Variants in SLC28A1 observed in about 807,000 individuals in gnomAD.
The protein encoded by SLC28A1 is solute carrier family 28 member 1.
A neutral mutation model predicts 74.8 loss-of-function variants in SLC28A1; 64 were observed. The ratio of observed to expected loss-of-function variants is 0.86; its 90% CI spans 0.70 to 1.05. The LOEUF (loss-of-function observed/expected upper bound fraction) is 1.05. Among genes scored for constraint, SLC28A1 ranks in the 50% least tolerant of loss-of-function variants. The pLI, the probability that SLC28A1 is intolerant of heterozygous loss-of-function variation, is 0.00. For synonymous variants in SLC28A1, 359 were observed against 335.0 expected, an observed-to-expected ratio of 1.07 and a Z score of -0.78; for missense variants, 828 against 822.8, an observed-to-expected ratio of 1.01 and a Z score of -0.08.
chr15:84,913,853 A>AATTC (rs35074682), intron 9 of SLC28A1, among the ~76,000 whole-genome samples: 66,735 of 151,758 alleles, frequency 0.44, 15,055 homozygotes, highest in Middle Eastern at 0.6. Context: ...TGCAAGGTTG[A>AATTC]ATTCTGTTGA....
At position 84,944,990 on chromosome 15, in the gene SLC28A1, G is replaced by A. The variant is rs573391511; in HGVS notation, c.1874+123G>A. On this transcript the variant is annotated intron_variant, in intron 18 of 18. Transcript: ENST00000394573. Reference sequence around the variant, plus strand: ...AAATGTTACGGCTGCAGCTAATGGGGAGGTGAAGGCTCGAGGACCAATGGA... The same window carrying A: ...AAATGTTACGGCTGCAGCTAATGGGAAGGTGAAGGCTCGAGGACCAATGGA... 1.9e-4 allele frequency: 200 copies of A among 1,061,464 alleles called. No homozygotes were observed. In the African/African-American group the frequency reaches 2.8e-3, roughly 15 times the overall value. 65.8% of individuals were successfully genotyped at this position (1,061,464 alleles called of 1,614,324 possible).
intron 5 of SLC28A1, among the ~76,000 whole-genome samples, chr15:84,893,102 A>G (rs1404063927): frequency 7.1e-6 from 1 of 140,050 alleles, no homozygotes; most frequent in African/African-American, 2.7e-5. Flanking sequence ...CCCCGACCAC[A>G]AAGCACAGGC....
chr15:84,896,201 C>T (rs544950078), intron 6 of SLC28A1, among the ~76,000 whole-genome samples: 12 of 152,102 alleles, frequency 7.9e-5, no homozygotes, highest in Non-Finnish European at 1.5e-4. Context: ...AGACAACTCA[C>T]GGAATGAGAG....
At chr15:84,921,855 G>A (rs531261033) in intron 11 of SLC28A1, among the ~76,000 whole-genome samples, 1 of 152,330 alleles carries the variant, frequency 6.6e-6, no homozygotes, top group Admixed American at 6.5e-5. Context: ...TGTTCAAAAT[G>A]AGGCAAAAGA....
chr15:84,920,200 C>T (rs976655203), intron 10 of SLC28A1, among the ~76,000 whole-genome samples: 1 of 152,218 alleles, frequency 6.6e-6, no homozygotes, highest in Non-Finnish European at 1.5e-5. Context: ...AATCCCAGCA[C>T]TTTGGGAGGC....
intron 12 of SLC28A1, 30 bp downstream of exon 12, chr15:84,924,140 T>C (rs373005610): frequency 4.7e-5 from 75 of 1,607,018 alleles, no homozygotes; most frequent in Non-Finnish European, 6.1e-5. Context: ...TGCTTGGCTA[T>C]GTTGAGGACC....
chr15:84,906,584 TCC>T (rs1967267886), intron 8 of SLC28A1, among the ~76,000 whole-genome samples: 3 of 72,342 alleles, frequency 4.1e-5, no homozygotes, highest in African/African-American at 9.6e-5. Flanking sequence ...CTTCCTTCCT[TCC>T]TTCCTTCCTT....
At chr15:84,940,336 T>C (rs1055656776) in intron 15 of SLC28A1, among the ~76,000 whole-genome samples, 9 of 152,162 alleles carry the variant, frequency 5.9e-5, no homozygotes, top group African/African-American at 2.2e-4. Flanking sequence ...GACAGAGTTA[T>C]CTAAAGACAC....
intron 8 of SLC28A1, among the ~76,000 whole-genome samples, chr15:84,908,061 T>G (rs1338734436): frequency 6.6e-6 from 1 of 152,092 alleles, no homozygotes; most frequent in Non-Finnish European, 1.5e-5. Context: ...GAGGGGAGAC[T>G]TTGCCGTTGG....
intron 9 of SLC28A1, among the ~76,000 whole-genome samples, chr15:84,911,444 C>T (rs892139439): frequency 6.6e-6 from 1 of 152,204 alleles, no homozygotes; most frequent in Admixed American, 6.5e-5. Flanking sequence ...AGAGCTAGAA[C>T]CCCTCCACTG....
the SLC28A1 span, among the ~76,000 whole-genome samples, chr15:84,973,345 T>C: frequency 6.6e-6 from 1 of 152,104 alleles, no homozygotes; most frequent in African/African-American, 2.4e-5. Context: ...AAGCAGAAAT[T>C]AAAAGTCCAA....
intron 15 of SLC28A1, chr15:84,940,429 T>G (rs1972521072): frequency 6.5e-6 from 1 of 152,744 alleles, no homozygotes; most frequent in South Asian, 2.1e-4. Flanking sequence ...TTTTAATTTA[T>G]TTCTTTAAAA....
intron 12 of SLC28A1, among the ~76,000 whole-genome samples, chr15:84,932,183 T>A (rs957557284): frequency 2.2e-4 from 34 of 152,194 alleles, no homozygotes; most frequent in Admixed American, 2.0e-3. Flanking sequence ...CTTTCCCACT[T>A]CACTGTGAGG....
rs529135098 is a variant in SLC28A1, at chr15:84,945,126, G to A, written c.1876G>A (p.Val626Ile). The change falls in exon 19 of 19, where the codon GTC becomes ATC. Residue 626 changes from valine to isoleucine, a missense_variant and splice_region_variant. Physicochemically the swap from Val to Ile is conservative, Grantham distance 29. This residue lies in a region of SLC28A1 where 53 missense variants were observed against 44.5 expected (regional missense o/e 1.19). Transcript: ENST00000394573. The part of the protein sequence containing the change: ...YQCCREAFQS[V>I]NPEFSPEALD... The stretch of plus-strand genomic sequence containing the variant: ...CTGCGATCTTTGCTTTCTTTTTAGC[G>A]TCAATCCAGAGTTCAGCCCAGAGGC... 79 of 1,613,990 alleles carry A rather than the reference G, an allele frequency of 4.9e-5. No homozygotes were observed. The highest frequency in any genetic ancestry group is 4.0e-5 in the African/African-American group (3 of 75,010).
chr15:84,906,548 CTTTCTTTCTTTCTTTCTCTTTCTTT>C (rs1567140148), intron 8 of SLC28A1, among the ~76,000 whole-genome samples: 115 of 81,516 alleles, frequency 1.4e-3, no homozygotes, highest in Admixed American at 4.0e-3. Context: ...TTCTTTCTTT[CTTTCTTTCTTTCTTTCTCTTTCTTT>C]CTTCCTTCCT....
chr15:84,924,077 T>A lies in SLC28A1; in HGVS notation c.1050T>A (p.Ala350=), dbSNP rs147092391. 4 of 1,613,766 alleles carry A rather than the reference T, an allele frequency of 2.5e-6. No homozygotes were observed. The African/African-American group carries it at 5.3e-5, about 22-fold the overall frequency. Residue 350 remains alanine, a synonymous_variant, in exon 12 of 19, where the codon GCT becomes GCA. Transcript: ENST00000394573. ...VVMTGGYATI[A]GSLLGAYISF... is the part of the protein sequence containing the mutation. ...TGACCGGAGGTTACGCCACCATTGC[T>A]GGCAGCCTGCTGGGTGCCTACATCT... is the stretch of plus-strand genomic sequence containing the variant.
At chr15:84,891,442 G>A (rs1483638765) in intron 5 of SLC28A1, among the ~76,000 whole-genome samples, 5 of 152,186 alleles carry the variant, frequency 3.3e-5, no homozygotes, top group Non-Finnish European at 7.4e-5. Flanking sequence ...GCAGGAAGGG[G>A]GATAATTAGG....
chr15:84,915,221 C>T (rs907503177), intron 9 of SLC28A1, among the ~76,000 whole-genome samples: 16 of 152,124 alleles, frequency 1.1e-4, no homozygotes, highest in Admixed American at 3.9e-4. Flanking sequence ...TGTTCTCTGT[C>T]GGGTGACTTC....
At chr15:84,917,496 A>G (rs566747717) in intron 9 of SLC28A1, among the ~76,000 whole-genome samples, 13 of 150,950 alleles carry the variant, frequency 8.6e-5, no homozygotes, top group African/African-American at 2.7e-4. Context: ...CTGGCCTTGA[A>G]CTCCTGGGCT....
Sources: gnomAD v4.1 joint callset for allele counts (sites outside exome capture counted in the v4.1 genomes callset) on GRCh38, gnomAD v4.1.1 for gene constraint, gnomAD v4.1.1 regional missense constraint, MANE v1.5 for transcripts, NCBI Gene and HGNC (gene_info 2026-07-23, HGNC 2026-07-21) for gene names.